Variants in DTNB observed in about 807,000 individuals in gnomAD.
The protein encoded by DTNB is dystrobrevin beta.
A neutral mutation model predicts 90.7 loss-of-function variants in DTNB; 63 were observed. The observed-to-expected ratio is 0.69, with a 90% CI of 0.57 to 0.86. DTNB has a LOEUF of 0.86. Among genes scored for constraint, DTNB ranks in the 40% least tolerant of loss-of-function variants. The pLI is 0.00. For missense variants in DTNB, 744 were observed against 807.1 expected (o/e 0.92, Z 0.95); for synonymous variants, 277 against 286.7 (o/e 0.97, Z 0.34).
chr2:25,383,663 A>G lies in DTNB; in HGVS notation c.1879+173T>C, dbSNP rs560639498. On this transcript the variant is annotated intron_variant, in intron 19 of 20. Transcript: ENST00000406818. Reference sequence around the variant, plus strand: ...CTCTTGGTGATCGACTGACCTTGTCACCTGGAAGGTAAAACCTGACTGTCA... The same window carrying G: ...CTCTTGGTGATCGACTGACCTTGTCGCCTGGAAGGTAAAACCTGACTGTCA... 5 of 1,406,160 alleles carry G rather than the reference A, an allele frequency of 3.6e-6. No individual in the cohort carries two copies. In the African/African-American group the frequency reaches 5.7e-5, roughly 16 times the overall value. 87.1% of individuals were successfully genotyped at this position (1,406,160 alleles called of 1,614,324 possible).
At chr2:25,490,142 G>A (rs1306273088) in intron 9 of DTNB, among the ~76,000 whole-genome samples, 1 of 152,082 alleles carries the variant, frequency 6.6e-6, no homozygotes, top group Non-Finnish European at 1.5e-5. Context: ...TAGGTGTGGT[G>A]GCATATGCCT....
chr2:25,447,447 T>TGCAACAGG (rs2150095594), intron 12 of DTNB, among the ~76,000 whole-genome samples: 1 of 151,974 alleles, frequency 6.6e-6, no homozygotes, highest in African/African-American at 2.4e-5. Flanking sequence ...CTTCTTCCAC[T>TGCAACAGG]GCAACAGGAG....
At chr2:25,519,470 C>T (rs540020386) in intron 9 of DTNB, among the ~76,000 whole-genome samples, 1 of 150,770 alleles carries the variant, frequency 6.6e-6, no homozygotes, top group South Asian at 2.1e-4. Context: ...CAGCAAAATG[C>T]AAGACAATTA....
At chr2:25,396,141 C>G (rs1375977533) in intron 16 of DTNB, among the ~76,000 whole-genome samples, 1 of 152,134 alleles carries the variant, frequency 6.6e-6, no homozygotes, top group African/African-American at 2.4e-5. Flanking sequence ...AACTGGAGAC[C>G]ATTATTCTAA....
chr2:25,669,386 G>C (rs1230765830), intron 1 of DTNB, among the ~76,000 whole-genome samples: 2 of 151,930 alleles, frequency 1.3e-5, no homozygotes, highest in Non-Finnish European at 2.9e-5. Flanking sequence ...AATTCCATCT[G>C]GAAAGCAAAA....
chr2:25,591,164 G>A (rs879733294), intron 6 of DTNB, among the ~76,000 whole-genome samples: 1 of 152,230 alleles, frequency 6.6e-6, no homozygotes, highest in South Asian at 2.1e-4. Flanking sequence ...GAGATGCCAG[G>A]CAGCGGGAGC....
intron 15 of DTNB, among the ~76,000 whole-genome samples, chr2:25,420,685 G>A (rs1026501692): frequency 6.6e-5 from 10 of 152,160 alleles, no homozygotes; most frequent in African/African-American, 2.2e-4. Context: ...GTTTCACCAT[G>A]TTGGTCAGGC....
At chr2:25,591,262 G>A (rs1029388531) in intron 6 of DTNB, among the ~76,000 whole-genome samples, 3 of 152,188 alleles carry the variant, frequency 2.0e-5, no homozygotes, top group East Asian at 1.9e-4. Context: ...TGGCTTGACC[G>A]GCTGCAGCTG....
chr2:25,632,444 T>A lies in DTNB; in HGVS notation c.149-4060A>T, dbSNP rs188017758. 8.9e-4 allele frequency among the ~76,000 whole-genome samples: 136 copies of A among 152,326 alleles called. 1 individual carries two copies. Among genetic ancestry groups the A allele is most frequent in the Admixed American group, 8.6e-3 (131 of 15,302 alleles). ...ATATTTGTCCTCTGCAAAAATGATG[T>A]TGAAATGTAATCTAATCCCCAGTGT... On this transcript the variant is annotated intron_variant, in intron 3 of 20. Transcript: ENST00000406818.
chr2:25,654,566 T>A (rs1315044237), intron 1 of DTNB, among the ~76,000 whole-genome samples: 1 of 152,220 alleles, frequency 6.6e-6, no homozygotes. Context: ...AGCCACTTGT[T>A]CAATATGATA....
chr2:25,578,651 C>T (rs2061075850), intron 7 of DTNB, among the ~76,000 whole-genome samples: 1 of 152,102 alleles, frequency 6.6e-6, no homozygotes, highest in South Asian at 2.1e-4. Context: ...AAAAAATTAA[C>T]AAGTGTGTTG....
At chr2:25,498,081 CT>C (rs1040013595) in intron 9 of DTNB, among the ~76,000 whole-genome samples, 9 of 152,166 alleles carry the variant, frequency 5.9e-5, no homozygotes, top group Non-Finnish European at 1.2e-4. Flanking sequence ...CCAGGGCCTC[CT>C]CATTGTCACC....
intron 2 of DTNB, 59 bp from the exon 3 acceptor site, chr2:25,639,153 G>C: frequency 6.8e-7 from 1 of 1,471,444 alleles, no homozygotes; most frequent in Non-Finnish European, 9.2e-7. Flanking sequence ...CCAAACGCTA[G>C]GAAATGACTC....
At chr2:25,548,760 A>T (rs1254953134) in intron 8 of DTNB, among the ~76,000 whole-genome samples, 2 of 152,228 alleles carry the variant, frequency 1.3e-5, no homozygotes, top group African/African-American at 4.8e-5. Flanking sequence ...GAGTGCATCC[A>T]GCAGATAAGG....
chr2:25,548,412 GT>G (rs61377184), intron 8 of DTNB, among the ~76,000 whole-genome samples: 1,938 of 145,614 alleles, frequency 0.013, 39 homozygotes, highest in African/African-American at 0.043. Context: ...GTGTGTTAAG[GT>G]TTTTTTTTTT....
chr2:25,573,770 T>C (rs2060237307), intron 8 of DTNB, among the ~76,000 whole-genome samples: 1 of 152,138 alleles, frequency 6.6e-6, no homozygotes, highest in Non-Finnish European at 1.5e-5. Context: ...CCTCATCAAG[T>C]GTGCCACGTG....
chr2:25,516,409 G>A (rs1013212991), intron 9 of DTNB, among the ~76,000 whole-genome samples: 4 of 151,886 alleles, frequency 2.6e-5, no homozygotes, highest in Non-Finnish European at 5.9e-5. Flanking sequence ...ACCCCACCCC[G>A]CTAATTTTTT....
chr2:25,635,200 A>G (rs1340886307), intron 3 of DTNB, among the ~76,000 whole-genome samples: 1 of 152,140 alleles, frequency 6.6e-6, no homozygotes, highest in Non-Finnish European at 1.5e-5. Flanking sequence ...TGGGAGGCCA[A>G]GACAGGTGGA....
chr2:25,429,937 G>A lies in DTNB; in HGVS notation c.1458-2306C>T, dbSNP rs543598284. Among the ~76,000 whole-genome samples, 36 of 152,070 alleles carry A rather than the reference G, an allele frequency of 2.4e-4. No homozygotes were observed. In the South Asian group the frequency reaches 6.9e-3, roughly 29 times the overall value. On this transcript the variant is annotated intron_variant, in intron 14 of 20. Coordinates refer to ENST00000406818, the MANE Select transcript of DTNB (RefSeq NM_021907.5). ...TGAAATGTGCCATAATTATTTGGGG[G>A]GAATCATGCTGAACCCCAAGTGCAC...
Sources: allele counts gnomAD v4.1 joint callset (sites outside exome capture counted in the v4.1 genomes callset), GRCh38; gene constraint gnomAD v4.1.1; transcripts MANE v1.5; gene names NCBI Gene and HGNC (gene_info 2026-07-23, HGNC 2026-07-21).